The following UPF2 variants were observed in gnomAD, a reference collection of about 807,000 sequenced individuals.
UPF2 encodes the protein regulator of nonsense transcripts 2.
In UPF2, 17 loss-of-function variants were observed where a neutral mutation model predicts 141.4. The observed-to-expected ratio is 0.12, with a 90% CI of 0.08 to 0.18. UPF2 has a LOEUF of 0.18. Ranked by LOEUF, UPF2 falls within the 10% of genes least tolerant of loss-of-function variation. The pLI is 1.00. For missense variants in UPF2, 1,152 were observed against 1,515.9 expected (o/e 0.76, Z 3.99); for synonymous variants, 540 against 498.0 (o/e 1.08, Z -1.12).
Position 12,016,245 on chromosome 10 carries a change from T to C in UPF2, c.1146-2061A>G, listed in dbSNP as rs1365350815. Among the ~76,000 whole-genome samples, 4 of 152,118 alleles carry C rather than the reference T, an allele frequency of 2.6e-5. No homozygotes were observed. The highest frequency in any genetic ancestry group is 9.6e-5 in the African/African-American group (4 of 41,454). ...TTTTTTAATTTACTTTTATTTTTTG[T>C]AGAGACGGGAGTCTGGCTATGTTGG... On this transcript the variant is annotated intron_variant, in intron 3 of 21. Coordinates refer to ENST00000357604, the MANE Select transcript of UPF2 (RefSeq NM_015542.4). This position sits in a 1 kb window ranked among gnomAD's most constrained non-coding sequence, Gnocchi z 4.1.
In UPF2 at chr10:11,980,065, T is replaced by C. The variant is rs1452638373; in HGVS notation, c.1845-900A>G. On this transcript the variant is annotated intron_variant, in intron 8 of 21. Transcript: ENST00000357604. The surrounding 1 kb of genome is among the most constrained non-coding windows in gnomAD (Gnocchi z 4.2). The stretch of plus-strand genomic sequence containing the variant: ...CTTAATTTGGACAGTAAATGGCAAA[T>C]ATGTGGCACTCACACTGCCACCCTC... 1.3e-5 allele frequency among the ~76,000 whole-genome samples: 2 copies of C among 152,186 alleles called. No homozygotes were observed. Among genetic ancestry groups the C allele is most frequent in the Non-Finnish European group, 2.9e-5 (2 of 68,022 alleles).
intron 9 of UPF2, among the ~76,000 whole-genome samples, chr10:11,976,943 C>T (rs1356322689): frequency 6.6e-6 from 1 of 152,174 alleles, no homozygotes; most frequent in African/African-American, 2.4e-5. Flanking sequence ...GACATGGAAA[C>T]CAAGGCTTAG....
In UPF2 at chr10:11,939,517, C is replaced by CTT. The variant is rs34766091; in HGVS notation, c.3379-2807_3379-2806dup. Among the ~76,000 whole-genome samples the CTT allele has an allele frequency of 5.7e-4, 83 of 146,486 alleles. No homozygotes were observed. Among genetic ancestry groups the CTT allele is most frequent in the Middle Eastern group, 3.5e-3 (1 of 286 alleles). On this transcript the variant is annotated intron_variant, in intron 18 of 21. Transcript: ENST00000357604. This position sits in a 1 kb window ranked among gnomAD's most constrained non-coding sequence, Gnocchi z 4.8. Reference sequence around the variant, plus strand: ...TTATTGTCAGTTTAAAATGTTTTATCTTTTTTTTTTTTTAAGACGAAGTCT... The same window carrying CTT: ...TTATTGTCAGTTTAAAATGTTTTATCTTTTTTTTTTTTTTTAAGACGAAGTCT...
At position 11,992,688 on chromosome 10, in the gene UPF2, C is replaced by A. The variant is rs1450776050; in HGVS notation, c.1844+4984G>T. ...AGCCAATCATAAATAGCCTAAATTA[C>A]TTTCATTAAAAGAAACATACTTTCA... On this transcript the variant is annotated intron_variant, in intron 8 of 21. Coordinates refer to ENST00000357604, the MANE Select transcript of UPF2 (RefSeq NM_015542.4). This position sits in a 1 kb window ranked among gnomAD's most constrained non-coding sequence, Gnocchi z 4.1. 2.0e-5 allele frequency among the ~76,000 whole-genome samples: 3 copies of A among 152,072 alleles called. No individual in the cohort carries two copies. Among genetic ancestry groups the A allele is most frequent in the African/African-American group, 7.2e-5 (3 of 41,408 alleles).
chr10:11,999,645 C>G (rs1833922746), intron 7 of UPF2, among the ~76,000 whole-genome samples: 1 of 152,090 alleles, frequency 6.6e-6, no homozygotes, highest in Non-Finnish European at 1.5e-5. Flanking sequence ...CTTTTAGCAC[C>G]TTTGATCTAA....
intron 12 of UPF2, among the ~76,000 whole-genome samples, chr10:11,958,471 A>G (rs1469773301): frequency 2.0e-5 from 3 of 152,178 alleles, no homozygotes; most frequent in Non-Finnish European, 4.4e-5. Flanking sequence ...GCCAATTCCA[A>G]AACTATTTGA....
At chr10:11,938,299 G>A (rs1246634877) in intron 18 of UPF2, among the ~76,000 whole-genome samples, 1 of 151,750 alleles carries the variant, frequency 6.6e-6, no homozygotes, top group Non-Finnish European at 1.5e-5. Flanking sequence ...ATTATTGACA[G>A]ACAATTTTTT....
In UPF2 at chr10:12,014,586, G is replaced by C. The variant is rs1253236852; in HGVS notation, c.1146-402C>G. Among the ~76,000 whole-genome samples, 1 of 152,068 alleles carries C rather than the reference G, an allele frequency of 6.6e-6. No homozygotes were observed. The highest frequency in any genetic ancestry group is 1.5e-5 in the Non-Finnish European group (1 of 67,996). The stretch of plus-strand genomic sequence containing the variant: ...GAATCAATTATTCTTAAACCTCCAT[G>C]ATTTGAATCAGAAATATCATATTTA... On this transcript the variant is annotated intron_variant, in intron 3 of 21. Coordinates refer to ENST00000357604, the MANE Select transcript of UPF2 (RefSeq NM_015542.4). The surrounding 1 kb of genome is among the most constrained non-coding windows in gnomAD (Gnocchi z 5.0).
In UPF2 at chr10:11,959,288, T is replaced by C. The variant is rs763930072; in HGVS notation, c.2253A>G (p.Ala751=). ...CTGGAGGTGGGTTGCAGTAGTAATATGCATTCTCTACCATTGTGACGTATC... is the reference window on the plus strand; with the variant it reads ...CTGGAGGTGGGTTGCAGTAGTAATACGCATTCTCTACCATTGTGACGTATC... ...DARYVTMVEN[A]YYYCNPPPAE... Residue 751 remains alanine (A), a synonymous_variant, in exon 12 of 22, where the codon GCA becomes GCG. Transcript: ENST00000357604. This position sits in a 1 kb window ranked among gnomAD's most constrained non-coding sequence, Gnocchi z 5.9. The C allele has an allele frequency of 2.5e-6, 4 of 1,612,476 alleles. No homozygotes were observed. The highest frequency in any genetic ancestry group is 1.1e-5 in the South Asian group (1 of 90,918).
rs1364983125 is a variant in UPF2, at chr10:11,955,309, T to C, written c.2773A>G (p.Ile925Val). The C allele has an allele frequency of 1.9e-6, 3 of 1,614,046 alleles. No homozygotes were observed. Among genetic ancestry groups the C allele is most frequent in the African/African-American group, 2.7e-5 (2 of 74,926 alleles). Residue 925 changes from isoleucine to valine, a missense_variant, in exon 14 of 22, where the codon ATT (isoleucine) becomes GTT (valine). Coordinates refer to ENST00000357604, the MANE Select transcript of UPF2 (RefSeq NM_015542.4). ...AAGTACTGGCCACATGTGTCCAGAA[T>C]AGTGCATACGAGTCTAATTCTGAAA... ...HLFRIRLVCT[I>V]LDTCGQYFDR...
rs113907583 is a variant in UPF2, at chr10:12,031,398, T to C, written c.366-1874A>G. 8.8e-4 allele frequency among the ~76,000 whole-genome samples: 134 copies of C among 152,144 alleles called. 2 individuals carry two copies. Among genetic ancestry groups the C allele is most frequent in the South Asian group, 7.7e-3 (37 of 4,824 alleles). On this transcript the variant is annotated intron_variant, in intron 2 of 21. Coordinates refer to ENST00000357604, the MANE Select transcript of UPF2 (RefSeq NM_015542.4). ...ACTGAAAAGAATAACCAAAAACAAA[T>C]ATACCTATTTTTCCACTAAAAAGAC...
chr10:11,997,064 G>GA (rs1833874935), intron 8 of UPF2, among the ~76,000 whole-genome samples: 1 of 152,320 alleles, frequency 6.6e-6, no homozygotes, highest in South Asian at 2.1e-4. Context: ...AACAGTCTAT[G>GA]AGTGGTCCTG....
At chr10:12,041,717 T>G (rs1253716147) in intron 1 of UPF2, among the ~76,000 whole-genome samples, 1 of 152,214 alleles carries the variant, frequency 6.6e-6, no homozygotes. Context: ...CTGACTTTAT[T>G]TTTTAAAGAA....
intron 14 of UPF2, among the ~76,000 whole-genome samples, chr10:11,954,659 T>C (rs186432452): frequency 1.4e-5 from 2 of 146,704 alleles, no homozygotes; most frequent in East Asian, 2.0e-4. Context: ...TATATATATA[T>C]ATACATATAT....
intron 8 of UPF2, among the ~76,000 whole-genome samples, chr10:11,993,661 TAA>T (rs1833819011): frequency 6.6e-6 from 1 of 151,970 alleles, no homozygotes; most frequent in Non-Finnish European, 1.5e-5. Context: ...GAAATAAAAC[TAA>T]AATTACCACA....
chr10:11,984,988 C>T (rs924252456), intron 8 of UPF2, among the ~76,000 whole-genome samples: 7 of 152,314 alleles, frequency 4.6e-5, no homozygotes, highest in African/African-American at 1.4e-4. Context: ...GCTGGGATTA[C>T]AGGCGTGAGC....
At chr10:11,926,539 C>A (rs1332798900) in intron 21 of UPF2, among the ~76,000 whole-genome samples, 1 of 152,192 alleles carries the variant, frequency 6.6e-6, no homozygotes, top group East Asian at 1.9e-4. Flanking sequence ...GAAGGGAAAA[C>A]CCAGAAGCCA....
intron 21 of UPF2, chr10:11,923,039 CAAAAT>C (rs1294385309): frequency 1.3e-5 from 2 of 151,926 alleles, no homozygotes; most frequent in East Asian, 3.9e-4. Flanking sequence ...GTCTCAAAAA[CAAAAT>C]AAAACAACAA....
Position 12,019,577 on chromosome 10 carries a change from A to G in UPF2, c.1146-5393T>C, listed in dbSNP as rs10906049. Among the ~76,000 whole-genome samples, 57,798 of 152,114 alleles carry G rather than the reference A, an allele frequency of 0.38. 13,269 individuals carry two copies. Among genetic ancestry groups the G allele is most frequent in the Non-Finnish European group, 0.51 (34,728 of 67,976 alleles). On this transcript the variant is annotated intron_variant, in intron 3 of 21. Transcript: ENST00000357604. The surrounding 1 kb of genome is among the most constrained non-coding windows in gnomAD (Gnocchi z 4.5). ...CTTGTCCCCTTTTACAGATATAAAC[A>G]GTAAGTAATGAGAACAAAATCTATG...
Sources: allele counts gnomAD v4.1 joint callset (sites outside exome capture counted in the v4.1 genomes callset), GRCh38; gene constraint gnomAD v4.1.1; non-coding constraint Gnocchi (gnomAD v3.1); transcripts MANE v1.5; gene names NCBI Gene and HGNC (gene_info 2026-07-23, HGNC 2026-07-21).